AGBL4: variants seen among roughly 807,000 people sequenced by gnomAD.
AGBL4 encodes AGBL carboxypeptidase 4, also known as cytosolic carboxypeptidase 6.
In AGBL4, 58 loss-of-function variants were observed where a neutral mutation model predicts 66.4. That is an observed-to-expected ratio of 0.87 (90% confidence interval 0.71 to 1.09). AGBL4 has a LOEUF of 1.09. Among genes scored for constraint, AGBL4 ranks in the 50% least tolerant of loss-of-function variants. AGBL4 has a pLI of 0.00. For missense variants in AGBL4, 579 were observed against 631.0 expected (o/e 0.92, Z 0.88); for synonymous variants, 234 against 222.9 (o/e 1.05, Z -0.44).
At chr1:49,325,617 T>G (rs1645214455) in intron 3 of AGBL4, among the ~76,000 whole-genome samples, 3 of 152,202 alleles carry the variant, frequency 2.0e-5, no homozygotes, top group Admixed American at 1.3e-4. Context: ...AATAACCGAT[T>G]CAAGAAACCA....
intron 3 of AGBL4, among the ~76,000 whole-genome samples, chr1:49,569,627 C>G (rs577826038): frequency 6.6e-6 from 1 of 152,192 alleles, no homozygotes; most frequent in African/African-American, 2.4e-5. Context: ...AAATGCAATT[C>G]TGCCACACCC....
At chr1:49,045,823 T>A in intron 4 of AGBL4, 23 bp from the exon 5 acceptor site, 1 of 1,535,788 alleles carries the variant, frequency 6.5e-7, no homozygotes, top group Non-Finnish European at 8.8e-7. Context: ...AACAAAGAAA[T>A]TTGGGCATAT....
intron 1 of AGBL4, among the ~76,000 whole-genome samples, chr1:49,925,650 A>C (rs922128602): frequency 2.0e-5 from 3 of 152,154 alleles, no homozygotes; most frequent in African/African-American, 7.2e-5. Context: ...AGCCCACTGC[A>C]ATGAAACATG....
chr1:48,535,021 C>A, intron 12 of AGBL4, 105 bp from the exon 13 acceptor site: 1 of 1,052,890 alleles, frequency 9.5e-7, no homozygotes. Flanking sequence ...GTTTTTAACA[C>A]CCAAACGGAG....
intron 3 of AGBL4, among the ~76,000 whole-genome samples, chr1:49,307,982 G>A (rs1644877837): frequency 6.6e-6 from 1 of 152,050 alleles, no homozygotes; most frequent in African/African-American, 2.4e-5. Flanking sequence ...GAATCATGGG[G>A]GTGGATTTCC....
rs1257245539 is a variant in AGBL4 at position 49,059,573 on chromosome 1, C to T, written c.378-13773G>A. 2.0e-5 allele frequency among the ~76,000 whole-genome samples: 3 copies of T among 152,194 alleles called. No individual in the cohort carries two copies. The East Asian group carries it at 5.8e-4, about 29-fold the overall frequency. On this transcript the variant is annotated intron_variant, in intron 4 of 13. Coordinates refer to ENST00000371839, the MANE Select transcript of AGBL4 (RefSeq NM_032785.4). Reference sequence around the variant, plus strand: ...AGTGGAGCTGTGAGAAGAGGGCCACCATCCTCCAGACTCCAGAATGGTACA... The same window carrying T: ...AGTGGAGCTGTGAGAAGAGGGCCACTATCCTCCAGACTCCAGAATGGTACA...
intron 5 of AGBL4, among the ~76,000 whole-genome samples, chr1:48,902,148 A>G (rs115596648): frequency 0.058 from 8,824 of 152,320 alleles, 358 homozygotes; most frequent in Middle Eastern, 0.092. Context: ...TGGAAATTCA[A>G]GCTGAGATTT....
At chr1:49,832,650 C>T (rs1255890243) in intron 2 of AGBL4, among the ~76,000 whole-genome samples, 1 of 151,022 alleles carries the variant, frequency 6.6e-6, no homozygotes, top group Non-Finnish European at 1.5e-5. Flanking sequence ...ACATCCTCTC[C>T]AGCACCTGTT....
At chr1:49,005,468 C>T (rs1661713316) in intron 5 of AGBL4, among the ~76,000 whole-genome samples, 1 of 152,208 alleles carries the variant, frequency 6.6e-6, no homozygotes, top group South Asian at 2.1e-4. Flanking sequence ...CATACACTAC[C>T]TGCCCATTAG....
chr1:49,804,312 A>G (rs1644929211), intron 2 of AGBL4, among the ~76,000 whole-genome samples: 1 of 152,134 alleles, frequency 6.6e-6, no homozygotes, highest in Non-Finnish European at 1.5e-5. Context: ...AGCTATCATT[A>G]GTCTTAGTGT....
At chr1:49,333,068 T>G (rs1645365764) in intron 3 of AGBL4, among the ~76,000 whole-genome samples, 1 of 152,214 alleles carries the variant, frequency 6.6e-6, no homozygotes, top group Non-Finnish European at 1.5e-5. Context: ...TGTCTTCTTT[T>G]GAGAAGTGTC....
chr1:49,846,081 C>G (rs1250082551), intron 2 of AGBL4: 38 of 1,559,188 alleles, frequency 2.4e-5, no homozygotes, highest in Non-Finnish European at 3.3e-5. Flanking sequence ...GGAGAGAAAC[C>G]CTATGAATGT....
intron 3 of AGBL4, among the ~76,000 whole-genome samples, chr1:49,647,584 T>C (rs1349873627): frequency 6.6e-6 from 1 of 152,186 alleles, no homozygotes; most frequent in Non-Finnish European, 1.5e-5. Flanking sequence ...TCTTGGTGAA[T>C]ACTGGAGAAA....
chr1:48,882,656 C>G (rs1295667955), intron 5 of AGBL4, among the ~76,000 whole-genome samples: 1 of 152,096 alleles, frequency 6.6e-6, no homozygotes, highest in African/African-American at 2.4e-5. Context: ...ACGATATATT[C>G]TCTAAGCAAT....
downstream of AGBL4, among the ~76,000 whole-genome samples, chr1:48,529,346 T>C (rs1643894842): frequency 1.3e-5 from 2 of 152,090 alleles, no homozygotes; most frequent in Admixed American, 1.3e-4. Flanking sequence ...TGAAGATGGC[T>C]TGAGAAAAGA....
intron 3 of AGBL4, among the ~76,000 whole-genome samples, chr1:49,682,130 G>A (rs946587065): frequency 3.3e-5 from 5 of 152,030 alleles, no homozygotes; most frequent in African/African-American, 1.2e-4. Flanking sequence ...CATATAGGTG[G>A]GGCACGGTGG....
chr1:48,658,630 G>T (rs907721046), intron 7 of AGBL4, among the ~76,000 whole-genome samples: 4 of 152,308 alleles, frequency 2.6e-5, no homozygotes, highest in South Asian at 2.1e-4. Flanking sequence ...AAAGTGAAAG[G>T]CCCCGTCACA....
chr1:48,823,730 T>C (rs1890726), intron 6 of AGBL4, among the ~76,000 whole-genome samples: 151,790 of 152,294 alleles, frequency 1, 75,646 homozygotes, highest in Middle Eastern at 1. Flanking sequence ...AATCTGATTC[T>C]CCTGTTTCCC....
chr1:49,556,717 A>T lies in AGBL4; in HGVS notation c.282+140596T>A, dbSNP rs1489914692. 2.0e-5 allele frequency among the ~76,000 whole-genome samples: 3 copies of T among 151,952 alleles called. No homozygotes were observed. In the East Asian group the frequency reaches 5.9e-4, roughly 30 times the overall value. The stretch of plus-strand genomic sequence containing the variant: ...CCAGTGCTAGGTGCCGGCACTCTTC[A>T]GCCCTTGGGCCGTCCATGGGACCTG... On this transcript the variant is annotated intron_variant, in intron 3 of 13. Transcript: ENST00000371839.
Sources: gnomAD v4.1 joint callset for allele counts (sites outside exome capture counted in the v4.1 genomes callset) on GRCh38, gnomAD v4.1.1 for gene constraint, MANE v1.5 for transcripts, NCBI Gene and HGNC (gene_info 2026-07-23, HGNC 2026-07-21) for gene names.